Variants in COQ3 observed in about 807,000 individuals in gnomAD.
The protein encoded by COQ3 is coenzyme Q3, methyltransferase.
Under a neutral mutation model 33.1 loss-of-function variants are expected in COQ3, and 29 were observed. That is an observed-to-expected ratio of 0.88 (90% CI 0.65 to 1.19). COQ3 has a LOEUF of 1.19. Ranked by LOEUF, COQ3 falls within the 50% of genes most tolerant of loss-of-function variation. COQ3 has a pLI of 0.00. For synonymous variants in COQ3, 173 were observed against 157.8 expected, an observed-to-expected ratio of 1.10 and a Z score of -0.72; for missense variants, 437 against 430.7, an observed-to-expected ratio of 1.01 and a Z score of -0.13.
At chr6:99,383,593 C>G (rs1289593769) in intron 2 of COQ3, 105 bp downstream of exon 2, 1 of 785,970 alleles carries the variant, frequency 1.3e-6, no homozygotes, top group Non-Finnish European at 1.9e-6. Context: ...CTACTTTAAT[C>G]AAGACACATG....
At position 99,384,005 on chromosome 6, in the gene COQ3, A is replaced by G. The variant is rs183559171; in HGVS notation, c.107-181T>C. Among the ~76,000 whole-genome samples, 271 of 152,192 alleles carry G rather than the reference A, an allele frequency of 1.8e-3. 3 individuals are homozygous for G. The highest frequency in any genetic ancestry group is 5.7e-3 in the Admixed American group (87 of 15,270). On this transcript the variant is annotated intron_variant, in intron 1 of 6. Transcript: ENST00000254759. ...AGCCTCCACCTCCTGGGCTCAAGCA[A>G]TCCTCCCGCCTCAGCTTCCCAAGTA... is the stretch of plus-strand genomic sequence containing the variant.
intron 3 of COQ3, among the ~76,000 whole-genome samples, chr6:99,377,694 G>C (rs533312731): frequency 7.9e-5 from 12 of 151,980 alleles, no homozygotes; most frequent in African/African-American, 2.9e-4. Context: ...AAATAATCTA[G>C]TAGTAATTAT....
intron 3 of COQ3, 80 bp from the exon 4 acceptor site, chr6:99,377,565 G>A: frequency 8.2e-6 from 7 of 849,664 alleles, no homozygotes; most frequent in East Asian, 3.0e-5. Context: ...TAGTTTTCAA[G>A]GAAATATTAA....
At chr6:99,381,781 C>T (rs774970834) in intron 2 of COQ3, among the ~76,000 whole-genome samples, 19 of 152,002 alleles carry the variant, frequency 1.2e-4, no homozygotes, top group Non-Finnish European at 1.9e-4. Context: ...CAAAAATTAG[C>T]CAGGTGTGGT....
chr6:99,393,981 A>C, intron 1 of COQ3, 93 bp downstream of exon 1: 3 of 1,068,410 alleles, frequency 2.8e-6, no homozygotes, highest in Non-Finnish European at 4.3e-6. Context: ...CGCGAGGTCC[A>C]GAGACAACCC....
intron 1 of COQ3, among the ~76,000 whole-genome samples, chr6:99,385,909 G>GCA (rs2128473073): frequency 6.7e-6 from 1 of 148,240 alleles, no homozygotes; most frequent in East Asian, 2.0e-4. Context: ...CCTGGGAGAT[G>GCA]GAGGTTGCAG....
At chr6:99,375,460 T>C (rs1019178304) in intron 5 of COQ3, among the ~76,000 whole-genome samples, 5 of 151,652 alleles carry the variant, frequency 3.3e-5, no homozygotes, top group African/African-American at 1.2e-4. Flanking sequence ...CTCGCCTCAC[T>C]GCAACCTCCA....
chr6:99,382,791 TAAAAATAC>T (rs1562207066), intron 2 of COQ3, among the ~76,000 whole-genome samples: 1 of 151,830 alleles, frequency 6.6e-6, no homozygotes, highest in East Asian at 1.9e-4. Context: ...CCTTCTCTAC[TAAAAATAC>T]AAAATTAGCC....
At chr6:99,385,955 T>TA (rs2128473083) in intron 1 of COQ3, among the ~76,000 whole-genome samples, 1 of 115,708 alleles carries the variant, frequency 8.6e-6, no homozygotes, top group African/African-American at 3.5e-5. Flanking sequence ...CCCACCTGGG[T>TA]AATGGAGGAA....
chr6:99,376,994 ATGTGTGTGTGTG>A (rs140372356), intron 4 of COQ3, among the ~76,000 whole-genome samples: 3 of 138,938 alleles, frequency 2.2e-5, no homozygotes, highest in Admixed American at 1.4e-4. Flanking sequence ...AATATTATGG[ATGTGTGTGTGTG>A]TGTGTGTGTG....
At chr6:99,388,223 CA>C (rs1774712284) in intron 1 of COQ3, among the ~76,000 whole-genome samples, 2 of 152,032 alleles carry the variant, frequency 1.3e-5, no homozygotes, top group South Asian at 4.2e-4. Flanking sequence ...AAAGGCAACA[CA>C]AAAAAGTCAG....
At chr6:99,372,652 G>T (rs573329392) in intron 5 of COQ3, among the ~76,000 whole-genome samples, 6 of 152,268 alleles carry the variant, frequency 3.9e-5, no homozygotes, top group Non-Finnish European at 8.8e-5. Flanking sequence ...TCCTGACCTT[G>T]TGATCCACCT....
At chr6:99,370,878 T>C (rs901252049) in intron 6 of COQ3, among the ~76,000 whole-genome samples, 1 of 152,094 alleles carries the variant, frequency 6.6e-6, no homozygotes, top group African/African-American at 2.4e-5. Context: ...GAGCTCACTC[T>C]GTGTAAAGCA....
intron 1 of COQ3, among the ~76,000 whole-genome samples, chr6:99,390,720 G>A (rs775138467): frequency 6.6e-6 from 1 of 151,878 alleles, no homozygotes; most frequent in Non-Finnish European, 1.5e-5. Flanking sequence ...TTTGAGACAG[G>A]GTCTCACTGT....
rs71545778 is a variant in COQ3, at chr6:99,391,998, CA to C, written c.106+2075del. On this transcript the variant is annotated intron_variant, in intron 1 of 6. Transcript: ENST00000254759. The stretch of plus-strand genomic sequence containing the variant: ...TGGGATACAGAGCAAGACCTTTTCT[CA>C]AAAAAAAAAATTAATTAATCTAAAA... Among the ~76,000 whole-genome samples the C allele has an allele frequency of 2.0e-4, 29 of 143,034 alleles. No individual in the cohort carries two copies. In the East Asian group the frequency reaches 2.1e-3, roughly 10 times the overall value. 93.8% of individuals were successfully genotyped at this position (143,034 alleles called of 152,430 possible).
At chr6:99,370,865 C>T (rs1008729447) in intron 6 of COQ3, among the ~76,000 whole-genome samples, 6 of 151,890 alleles carry the variant, frequency 4.0e-5, no homozygotes, top group African/African-American at 1.2e-4. Flanking sequence ...TCACATAAAT[C>T]GAGAGCTCAC....
rs756043805 is a variant in COQ3 at position 99,375,958 on chromosome 6, G to A, written c.711C>T (p.Cys237=). Residue 237 remains cysteine (C), a synonymous_variant, in exon 5 of 7, where the codon TGC becomes TGT. Coordinates refer to ENST00000254759, the MANE Select transcript of COQ3 (RefSeq NM_017421.4). ...HVIDLETFLQ[C]CCQVLKPGGS... Reference sequence around the variant, plus strand: ...GCCTTACTTTTAACACTTGACAGCAGCACTGTAAAAATGTTTCTAGATCAA... The same window carrying A: ...GCCTTACTTTTAACACTTGACAGCAACACTGTAAAAATGTTTCTAGATCAA... The A allele has an allele frequency of 2.5e-6, 4 of 1,613,856 alleles. No individual in the cohort carries two copies. In the Admixed American group the frequency reaches 6.7e-5, roughly 27 times the overall value.
chr6:99,390,748 G>A (rs1321937190), intron 1 of COQ3, among the ~76,000 whole-genome samples: 1 of 152,184 alleles, frequency 6.6e-6, no homozygotes, highest in African/African-American at 2.4e-5. Context: ...GGGCTGGACT[G>A]CAGTGGAACA....
chr6:99,384,865 C>T (rs1303626171), intron 1 of COQ3, among the ~76,000 whole-genome samples: 1 of 152,198 alleles, frequency 6.6e-6, no homozygotes. Context: ...AATCCCAGCA[C>T]TTTCGGAGGC....
Sources: gnomAD v4.1 joint callset for allele counts (sites outside exome capture counted in the v4.1 genomes callset) on GRCh38, gnomAD v4.1.1 for gene constraint, MANE v1.5 for transcripts, NCBI Gene and HGNC (gene_info 2026-07-23, HGNC 2026-07-21) for gene names.